The following PTPRN2 variants were observed in gnomAD, a reference collection of about 807,000 sequenced individuals.
The protein encoded by PTPRN2 is receptor-type tyrosine-protein phosphatase N2.
Under a neutral mutation model 118.8 loss-of-function variants are expected in PTPRN2, and 74 were observed. The ratio of observed to expected loss-of-function variants is 0.62; its 90% CI spans 0.52 to 0.76. PTPRN2 has a LOEUF of 0.76. Ranked by LOEUF, PTPRN2 falls within the 30% of genes least tolerant of loss-of-function variation. The probability of loss-of-function intolerance (pLI) is 0.00; values close to 1 mark genes in which losing one functional copy is unlikely to be tolerated. For missense variants in PTPRN2, 1,481 were observed against 1,394.4 expected, an observed-to-expected ratio of 1.06 and a Z score of -0.99; for synonymous variants, 641 against 608.0, an observed-to-expected ratio of 1.05 and a Z score of -0.80.
chr7:157,601,750 G>A (rs760662664), intron 16 of PTPRN2, among the ~76,000 whole-genome samples: 3 of 152,252 alleles, frequency 2.0e-5, no homozygotes, highest in South Asian at 2.1e-4. Context: ...CCCATCGAGT[G>A]GGGGAGAGTG....
chr7:158,571,486 C>CAAAAACAAAA (rs1326542092), intron 1 of PTPRN2, among the ~76,000 whole-genome samples: 1 of 84,510 alleles, frequency 1.2e-5, no homozygotes, highest in African/African-American at 4.4e-5. Context: ...TCAAAAAAAA[C>CAAAAACAAAA]AAAAACAAAA....
rs983038602 is a variant in PTPRN2, at chr7:158,525,602, T to C, written c.113-35817A>G. On this transcript the variant is annotated intron_variant, in intron 1 of 22. Transcript: ENST00000389418. This position sits in a 1 kb window ranked among gnomAD's most constrained non-coding sequence, Gnocchi z 4.1. ...CTGAGAGGTCCTACGGGATGGAGTA[T>C]TAATAGTGCCGTGTTTAATTATTAT... Among the ~76,000 whole-genome samples the C allele has an allele frequency of 6.6e-6, 1 of 152,240 alleles. No individual in the cohort carries two copies. Among genetic ancestry groups the C allele is most frequent in the Non-Finnish European group, 1.5e-5 (1 of 68,042 alleles).
intron 3 of PTPRN2, among the ~76,000 whole-genome samples, chr7:158,206,681 T>C (rs946829912): frequency 8.5e-5 from 13 of 152,138 alleles, no homozygotes; most frequent in African/African-American, 3.1e-4. Context: ...GCCAAGGTGA[T>C]ACATCTGTGA....
chr7:157,763,986 A>G lies in PTPRN2; in HGVS notation c.1789-81049T>C, dbSNP rs1394325171. 6.6e-6 allele frequency among the ~76,000 whole-genome samples: 1 copy of G among 152,194 alleles called. No individual in the cohort carries two copies. The highest frequency in any genetic ancestry group is 1.5e-5 in the Non-Finnish European group (1 of 68,042). ...TGATCTTCATGATGTCCGTGAACAC[A>G]GGGAAGCTTTAGTCGCAGCCACATG... On this transcript the variant is annotated intron_variant, in intron 12 of 22. Coordinates refer to ENST00000389418, the MANE Select transcript of PTPRN2 (RefSeq NM_002847.5). This position sits in a 1 kb window ranked among gnomAD's most constrained non-coding sequence, Gnocchi z 4.9.
intron 3 of PTPRN2, among the ~76,000 whole-genome samples, chr7:158,257,926 C>T (rs924686846): frequency 2.0e-5 from 3 of 152,214 alleles, no homozygotes; most frequent in Admixed American, 2.0e-4. Context: ...TTCCTCTGAG[C>T]GCTGCCTCAG....
intron 7 of PTPRN2, among the ~76,000 whole-genome samples, chr7:158,137,627 C>T (rs1023181912): frequency 6.6e-6 from 1 of 152,082 alleles, no homozygotes; most frequent in Non-Finnish European, 1.5e-5. Context: ...TTCCACTACT[C>T]CCCTGCACCC....
At chr7:157,774,214 A>G (rs1486500929) in intron 12 of PTPRN2, among the ~76,000 whole-genome samples, 2 of 152,216 alleles carry the variant, frequency 1.3e-5, no homozygotes, top group African/African-American at 2.4e-5. Context: ...TTTGAAAATC[A>G]TAGCTATTCT....
chr7:157,960,712 A>G (rs1160928089), intron 11 of PTPRN2, among the ~76,000 whole-genome samples: 2 of 152,230 alleles, frequency 1.3e-5, no homozygotes, highest in Non-Finnish European at 2.9e-5. Context: ...CAAAAACAAA[A>G]ACAAAAAAAC....
chr7:158,078,494 C>T (rs1374861170), intron 11 of PTPRN2, among the ~76,000 whole-genome samples: 1 of 152,248 alleles, frequency 6.6e-6, no homozygotes, highest in Non-Finnish European at 1.5e-5. Flanking sequence ...TCCACATCAT[C>T]TTTTAAAACA....
intron 17 of PTPRN2, among the ~76,000 whole-genome samples, chr7:157,593,590 C>CT (rs1302158919): frequency 6.6e-6 from 1 of 152,238 alleles, no homozygotes; most frequent in African/African-American, 2.4e-5. Context: ...TCTGAACACT[C>CT]TGTCCTTTTC....
At chr7:158,284,953 C>G (rs553481884) in intron 3 of PTPRN2, among the ~76,000 whole-genome samples, 1 of 152,220 alleles carries the variant, frequency 6.6e-6, no homozygotes, top group Non-Finnish European at 1.5e-5. Flanking sequence ...TGTGCCCCCA[C>G]GAGCCCGGCT....
intron 4 of PTPRN2, among the ~76,000 whole-genome samples, chr7:158,197,384 C>T (rs773574237): frequency 7.2e-5 from 11 of 152,118 alleles, no homozygotes; most frequent in Non-Finnish European, 1.5e-4. Context: ...ACAAATTTCC[C>T]ACATACAGTA....
chr7:158,238,002 C>T (rs1795642865), intron 3 of PTPRN2, among the ~76,000 whole-genome samples: 1 of 152,200 alleles, frequency 6.6e-6, no homozygotes, highest in South Asian at 2.1e-4. Flanking sequence ...CCTGTGCTGG[C>T]TGCTCCCGAC....
chr7:158,540,902 G>A (rs1445321463), intron 1 of PTPRN2, among the ~76,000 whole-genome samples: 1 of 152,248 alleles, frequency 6.6e-6, no homozygotes, highest in African/African-American at 2.4e-5. Context: ...TGTGCCACGT[G>A]TCCAGTATTT....
At chr7:157,970,694 G>A (rs942851104) in intron 11 of PTPRN2, among the ~76,000 whole-genome samples, 8 of 147,146 alleles carry the variant, frequency 5.4e-5, no homozygotes, top group African/African-American at 2.0e-4. Context: ...GTGAGCCTTG[G>A]TGGGACCTGT....
intron 14 of PTPRN2, among the ~76,000 whole-genome samples, chr7:157,636,141 T>C (rs922647295): frequency 2.0e-5 from 3 of 152,236 alleles, no homozygotes; most frequent in African/African-American, 7.2e-5. Context: ...TCTTTGCTTG[T>C]CATTCAAACA....
chr7:158,275,011 G>A (rs531001591), intron 3 of PTPRN2, among the ~76,000 whole-genome samples: 14 of 152,310 alleles, frequency 9.2e-5, no homozygotes, highest in Admixed American at 7.8e-4. Flanking sequence ...CCAAAATAGG[G>A]AGCACTTTCT....
chr7:158,578,735 C>T (rs1828475251), intron 1 of PTPRN2, among the ~76,000 whole-genome samples: 1 of 151,738 alleles, frequency 6.6e-6, no homozygotes, highest in Admixed American at 6.6e-5. Flanking sequence ...CTATTGTTCC[C>T]TTAAGTCCTA....
chr7:158,263,476 C>A (rs1272720944), intron 3 of PTPRN2, among the ~76,000 whole-genome samples: 4 of 152,274 alleles, frequency 2.6e-5, no homozygotes, highest in Admixed American at 2.0e-4. Context: ...CCGCATCCCA[C>A]AGGAGGGGCT....
Sources: allele counts gnomAD v4.1 joint callset (sites outside exome capture counted in the v4.1 genomes callset), GRCh38; gene constraint gnomAD v4.1.1; non-coding constraint Gnocchi (gnomAD v3.1); transcripts MANE v1.5; gene names NCBI Gene and HGNC (gene_info 2026-07-23, HGNC 2026-07-21).